KIAA1217: variants seen among roughly 807,000 people sequenced by gnomAD.
KIAA1217 encodes KIAA1217.
KIAA1217 carries 88 observed loss-of-function variants against 163.9 expected under a neutral mutation model. The ratio of observed to expected loss-of-function variants is 0.54; its 90% CI spans 0.45 to 0.64. The LOEUF (loss-of-function observed/expected upper bound fraction) is 0.64, where lower values mean the gene tolerates loss of function less well. Among genes scored for constraint, KIAA1217 ranks in the 30% least tolerant of loss-of-function variants. KIAA1217 has a pLI of 0.00. For missense variants in KIAA1217, 2,372 were observed against 2,475.0 expected (o/e 0.96, Z 0.88); for synonymous variants, 903 against 923.1 (o/e 0.98, Z 0.39).
intron 3 of KIAA1217, among the ~76,000 whole-genome samples, chr10:24,424,197 A>G (rs1461572785): frequency 6.6e-6 from 1 of 152,082 alleles, no homozygotes; most frequent in African/African-American, 2.4e-5. Context: ...ATAGGAAGGG[A>G]CTTAACAGCG....
rs368611081 is a variant in KIAA1217, at chr10:24,533,065, C to G, written c.3247-5C>G. ...ACCACTATCTGTTGTTTCAATCTCC[C>G]ACAGGCAAGCAGTGAAGATGCTGGA... On this transcript the variant is annotated splice_polypyrimidine_tract_variant and splice_region_variant and intron_variant, in intron 15 of 20. Transcript: ENST00000376454. 6.9e-6 allele frequency: 11 copies of G among 1,603,218 alleles called. No individual in the cohort carries two copies. Among genetic ancestry groups the G allele is most frequent in the Non-Finnish European group, 9.4e-6 (11 of 1,173,876 alleles).
At chr10:24,247,289 G>A (rs1021240612) in intron 2 of KIAA1217, among the ~76,000 whole-genome samples, 8 of 151,862 alleles carry the variant, frequency 5.3e-5, no homozygotes, top group African/African-American at 1.9e-4. Context: ...TTTCATTTTA[G>A]TTTTTTAAAT....
chr10:24,380,836 A>C, intron 2 of KIAA1217, 33 bp from the exon 3 acceptor site: 1 of 1,452,026 alleles, frequency 6.9e-7, no homozygotes, highest in Non-Finnish European at 9.2e-7. Context: ...ATAATAGTCT[A>C]TTTTCCCACT....
chr10:24,546,381 A>G lies in KIAA1217; in HGVS notation c.*57A>G, dbSNP rs978827868. ...TACATTTAAAAAAAATTAACAGTCT[A>G]CAACAACTGTTTTCACAAGAGAATG... On this transcript the variant is annotated 3_prime_UTR_variant, in exon 21 of 21. Transcript: ENST00000376454. 6.8e-7 allele frequency: 1 copy of G among 1,471,698 alleles called. No individual in the cohort carries two copies. The highest frequency in any genetic ancestry group is 9.2e-7 in the Non-Finnish European group (1 of 1,092,846). 91.2% of individuals were successfully genotyped at this position (1,471,698 alleles called of 1,614,324 possible). A position where few individuals can be genotyped will look rare whatever the true frequency, so the allele number is the denominator to read the frequency against.
intron 2 of KIAA1217, among the ~76,000 whole-genome samples, chr10:24,245,967 G>T (rs2131385870): frequency 6.6e-6 from 1 of 152,276 alleles, no homozygotes; most frequent in Non-Finnish European, 1.5e-5. Flanking sequence ...GTCACTGGTA[G>T]TAAGGTAAAT....
chr10:23,766,088 C>A (rs1834504135), intron 1 of KIAA1217, among the ~76,000 whole-genome samples: 1 of 152,154 alleles, frequency 6.6e-6, no homozygotes, highest in Non-Finnish European at 1.5e-5. Flanking sequence ...TTTTAATTAG[C>A]AATGATTTTA....
At chr10:24,077,740 G>T (rs114399901) in intron 2 of KIAA1217, among the ~76,000 whole-genome samples, 204 of 152,292 alleles carry the variant, frequency 1.3e-3, no homozygotes, top group African/African-American at 4.7e-3. Flanking sequence ...GCCTCTTAGG[G>T]CTTTGGAGAA....
chr10:24,397,675 A>G (rs1040441629), intron 3 of KIAA1217, among the ~76,000 whole-genome samples: 1 of 152,176 alleles, frequency 6.6e-6, no homozygotes, highest in Non-Finnish European at 1.5e-5. Context: ...GAAAAGGGGG[A>G]AGGTCTCTTA....
chr10:24,184,550 C>T (rs898626818), intron 2 of KIAA1217, among the ~76,000 whole-genome samples: 38 of 152,304 alleles, frequency 2.5e-4, no homozygotes, highest in African/African-American at 9.1e-4. Context: ...ACCTTCAAAG[C>T]GCACAGTCCT....
chr10:24,085,304 G>GA (rs112003751), intron 2 of KIAA1217, among the ~76,000 whole-genome samples: 18,567 of 151,984 alleles, frequency 0.12, 3,037 homozygotes, highest in African/African-American at 0.38. Flanking sequence ...CATTTGAGGG[G>GA]TTTAAGGGAG....
chr10:23,777,110 A>G (rs1430388305), intron 1 of KIAA1217, among the ~76,000 whole-genome samples: 1 of 152,232 alleles, frequency 6.6e-6, no homozygotes, highest in Non-Finnish European at 1.5e-5. Context: ...GTTTTAAGAG[A>G]TTATTTCAGT....
At chr10:24,532,635 T>C (rs188446557) in intron 15 of KIAA1217, among the ~76,000 whole-genome samples, 18 of 152,178 alleles carry the variant, frequency 1.2e-4, no homozygotes, top group African/African-American at 3.9e-4. Flanking sequence ...AAGAAAGAGA[T>C]TGTGCAGGGG....
At chr10:24,528,193 C>T in intron 14 of KIAA1217, 74 bp downstream of exon 14, 3 of 1,213,984 alleles carry the variant, frequency 2.5e-6, no homozygotes, top group Admixed American at 4.5e-5. Context: ...TCCACGACAG[C>T]ACATACTCAT....
intron 1 of KIAA1217, among the ~76,000 whole-genome samples, chr10:23,924,544 C>T (rs1056282811): frequency 6.6e-6 from 1 of 152,122 alleles, no homozygotes; most frequent in Admixed American, 6.5e-5. Flanking sequence ...CTTAAGGTCA[C>T]CTTATTTGTC....
chr10:23,875,113 G>C (rs530168397), intron 1 of KIAA1217, among the ~76,000 whole-genome samples: 1 of 152,156 alleles, frequency 6.6e-6, no homozygotes, highest in South Asian at 2.1e-4. Flanking sequence ...AGGGCACCAA[G>C]CCATTGATGA....
intron 1 of KIAA1217, among the ~76,000 whole-genome samples, chr10:23,738,771 C>G (rs1162479499): frequency 1.3e-5 from 2 of 152,014 alleles, no homozygotes; most frequent in Non-Finnish European, 2.9e-5. Context: ...TTATCGAGCA[C>G]CTACTATGTG....
chr10:24,215,232 G>C (rs941563020), intron 1 of KIAA1217, among the ~76,000 whole-genome samples: 1 of 152,112 alleles, frequency 6.6e-6, no homozygotes, highest in Admixed American at 6.5e-5. Flanking sequence ...CTCCTATGTT[G>C]CTCTTTGCCC....
At chr10:24,439,038 A>G (rs540022694) in intron 5 of KIAA1217, among the ~76,000 whole-genome samples, 12 of 152,344 alleles carry the variant, frequency 7.9e-5, no homozygotes, top group African/African-American at 2.9e-4. Flanking sequence ...AAAAATCCGC[A>G]TGATTTGGGA....
chr10:24,076,876 T>C (rs2061383442), intron 2 of KIAA1217, among the ~76,000 whole-genome samples: 1 of 140,182 alleles, frequency 7.1e-6, no homozygotes, highest in African/African-American at 3.1e-5. Flanking sequence ...TTTATTTCCA[T>C]CTTTTTTTTT....
Sources: allele counts gnomAD v4.1 joint callset (sites outside exome capture counted in the v4.1 genomes callset), GRCh38; gene constraint gnomAD v4.1.1; transcripts MANE v1.5; gene names NCBI Gene and HGNC (gene_info 2026-07-23, HGNC 2026-07-21).